Variants in BMPR1B observed in about 807,000 individuals in gnomAD.
BMPR1B encodes bone morphogenetic protein receptor type 1B.
Under a neutral mutation model 59.1 loss-of-function variants are expected in BMPR1B, and 12 were observed. The ratio of observed to expected loss-of-function variants is 0.20; its 90% CI spans 0.13 to 0.33. The LOEUF is 0.33. Among genes scored for constraint, BMPR1B ranks in the 10% least tolerant of loss-of-function variants. The pLI, the probability that BMPR1B is intolerant of heterozygous loss-of-function variation, is 1.00. For missense variants in BMPR1B, 550 were observed against 610.9 expected (o/e 0.90, Z 1.05); for synonymous variants, 237 against 207.3 (o/e 1.14, Z -1.23).
intron 1 of BMPR1B, among the ~76,000 whole-genome samples, chr4:94,830,811 A>G (rs1560504685): frequency 6.6e-6 from 1 of 152,178 alleles, no homozygotes; most frequent in Non-Finnish European, 1.5e-5. Context: ...ACGCCATAGC[A>G]CGACACGTTA....
chr4:94,801,944 G>A (rs1033953398), intron 1 of BMPR1B, among the ~76,000 whole-genome samples: 2 of 152,112 alleles, frequency 1.3e-5, no homozygotes, highest in African/African-American at 4.8e-5. Context: ...ACTGTGAGAC[G>A]TTATACTGTG....
intron 12 of BMPR1B, among the ~76,000 whole-genome samples, 186 bp from the exon 13 acceptor site, chr4:95,154,362 A>G (rs1392368820): frequency 6.6e-6 from 1 of 152,250 alleles, no homozygotes; most frequent in Non-Finnish European, 1.5e-5. Context: ...CAAAGAAGAC[A>G]TGAACATCTG....
intron 2 of BMPR1B, among the ~76,000 whole-genome samples, chr4:94,987,639 T>C (rs1271075276): frequency 2.0e-5 from 3 of 152,142 alleles, no homozygotes; most frequent in Non-Finnish European, 4.4e-5. Context: ...TCTTTCCTTT[T>C]AGCTGACATA....
At chr4:94,917,289 C>T (rs940608911) in intron 2 of BMPR1B, among the ~76,000 whole-genome samples, 4 of 152,170 alleles carry the variant, frequency 2.6e-5, no homozygotes, top group African/African-American at 9.7e-5. Context: ...TGCTCTCCTC[C>T]AGACCACAGA....
intron 2 of BMPR1B, among the ~76,000 whole-genome samples, chr4:94,939,474 C>T (rs1346185023): frequency 6.6e-6 from 1 of 151,962 alleles, no homozygotes; most frequent in Admixed American, 6.6e-5. Context: ...CTTGAGGGTC[C>T]ATTGTATTTG....
intron 1 of BMPR1B, among the ~76,000 whole-genome samples, chr4:94,854,511 T>C (rs551598977): frequency 6.6e-6 from 1 of 152,300 alleles, no homozygotes; most frequent in South Asian, 2.1e-4. Flanking sequence ...ACAACACAAA[T>C]CTCTTGATTT....
intron 2 of BMPR1B, among the ~76,000 whole-genome samples, chr4:94,930,574 A>G (rs1351598002): frequency 2.6e-5 from 4 of 152,252 alleles, no homozygotes; most frequent in South Asian, 2.1e-4. Context: ...TAGGTATACA[A>G]TGGGAATGTT....
chr4:95,052,451 G>A (rs1028597553), intron 3 of BMPR1B, among the ~76,000 whole-genome samples: 18 of 152,160 alleles, frequency 1.2e-4, no homozygotes, highest in Middle Eastern at 3.2e-3. Flanking sequence ...ATAACTGGCC[G>A]TGGCAGTGAT....
chr4:95,105,054 C>T (rs1579085811), intron 4 of BMPR1B, among the ~76,000 whole-genome samples: 1 of 152,046 alleles, frequency 6.6e-6, no homozygotes, highest in East Asian at 1.9e-4. Flanking sequence ...CCCCAAGTTG[C>T]TAAGAAAGAC....
chr4:95,115,608 C>A, intron 5 of BMPR1B, 77 bp from the exon 6 acceptor site: 1 of 1,223,172 alleles, frequency 8.2e-7, no homozygotes, highest in Non-Finnish European at 1.2e-6. Context: ...TAAATAGTGA[C>A]TATTTTTAAA....
chr4:95,018,028 A>G (rs2149132885), intron 3 of BMPR1B, among the ~76,000 whole-genome samples: 1 of 152,332 alleles, frequency 6.6e-6, no homozygotes, highest in East Asian at 1.9e-4. Flanking sequence ...CAAAAGGCTG[A>G]GAAGCGATAA....
intron 1 of BMPR1B, among the ~76,000 whole-genome samples, chr4:94,857,071 A>G (rs376596039): frequency 2.0e-5 from 3 of 152,156 alleles, no homozygotes; most frequent in Non-Finnish European, 2.9e-5. Flanking sequence ...TGCTTCAGGA[A>G]CTCTTTCAGA....
At chr4:94,905,035 T>A (rs1185982301) in intron 2 of BMPR1B, among the ~76,000 whole-genome samples, 1 of 152,054 alleles carries the variant, frequency 6.6e-6, no homozygotes, top group African/African-American at 2.4e-5. Context: ...TGAGAATTGT[T>A]TTGGATAAAT....
chr4:94,825,561 G>C (rs1157144700), intron 1 of BMPR1B, among the ~76,000 whole-genome samples: 2 of 151,770 alleles, frequency 1.3e-5, no homozygotes, highest in Non-Finnish European at 2.9e-5. Context: ...TTTTAAGATG[G>C]GAAAAAACCT....
chr4:94,868,738 G>A (rs1463681592), intron 1 of BMPR1B, among the ~76,000 whole-genome samples: 1 of 152,170 alleles, frequency 6.6e-6, no homozygotes, highest in Non-Finnish European at 1.5e-5. Flanking sequence ...ATAAGTGTTT[G>A]AATTTAGCAT....
chr4:95,117,914 T>C (rs984923060), intron 6 of BMPR1B, among the ~76,000 whole-genome samples: 1 of 152,048 alleles, frequency 6.6e-6, no homozygotes, highest in Admixed American at 6.6e-5. Context: ...AGAATAAAAC[T>C]CCAAAGGACA....
chr4:95,008,049 C>G (rs1722972742), intron 3 of BMPR1B, among the ~76,000 whole-genome samples: 1 of 152,068 alleles, frequency 6.6e-6, no homozygotes, highest in African/African-American at 2.4e-5. Context: ...GTTTGAGAGC[C>G]ACTGAATTAT....
intron 3 of BMPR1B, among the ~76,000 whole-genome samples, chr4:95,039,785 C>T (rs1341939054): frequency 6.6e-6 from 1 of 152,008 alleles, no homozygotes; most frequent in Non-Finnish European, 1.5e-5. Flanking sequence ...TTTAGCTCAT[C>T]AGTGTAGTGT....
intron 2 of BMPR1B, among the ~76,000 whole-genome samples, chr4:94,954,748 T>A (rs1435035484): frequency 6.6e-6 from 1 of 152,168 alleles, no homozygotes; most frequent in Non-Finnish European, 1.5e-5. Flanking sequence ...ACAATATATA[T>A]CTCAAAAGGG....
Sources: gnomAD v4.1 joint callset for allele counts (sites outside exome capture counted in the v4.1 genomes callset) on GRCh38, gnomAD v4.1.1 for gene constraint, MANE v1.5 for transcripts, NCBI Gene and HGNC (gene_info 2026-07-23, HGNC 2026-07-21) for gene names.